ATP9B: variants seen among roughly 807,000 people sequenced by gnomAD.
ATP9B encodes the protein probable phospholipid-transporting ATPase IIB.
In ATP9B, 110 loss-of-function variants were observed where a neutral mutation model predicts 146.1. That is an observed-to-expected ratio of 0.75 (90% CI 0.65 to 0.88). The LOEUF (loss-of-function observed/expected upper bound fraction) is 0.88, where lower values mean the gene tolerates loss of function less well. Ranked by LOEUF, ATP9B falls within the 40% of genes least tolerant of loss-of-function variation. ATP9B has a pLI of 0.00. For synonymous variants in ATP9B, 604 were observed against 569.7 expected (o/e 1.06, Z -0.86); for missense variants, 1,499 against 1,496.4 (o/e 1.00, Z -0.03).
chr18:79,302,485 C>T (rs1004535423), intron 13 of ATP9B, among the ~76,000 whole-genome samples: 1 of 152,240 alleles, frequency 6.6e-6, no homozygotes, highest in African/African-American at 2.4e-5. Flanking sequence ...AAGCACCACA[C>T]ATCGCAGCAC....
At chr18:79,194,859 C>T (rs1426875598) in intron 9 of ATP9B, among the ~76,000 whole-genome samples, 1 of 152,136 alleles carries the variant, frequency 6.6e-6, no homozygotes, top group African/African-American at 2.4e-5. Context: ...TCTTGGGATG[C>T]TGATATCATC....
rs557151901 is a variant in ATP9B at position 79,356,194 on chromosome 18, C to T, written c.2904-3160C>T. Among the ~76,000 whole-genome samples, 377 of 152,248 alleles carry T rather than the reference C, an allele frequency of 2.5e-3. 6 individuals are homozygous for T. Among genetic ancestry groups the T allele is most frequent in the Middle Eastern group, 6.8e-3 (2 of 294 alleles). The stretch of plus-strand genomic sequence containing the variant: ...GACCAGGTTAGACCACAGGATGCTC[C>T]GCCTCACGCCTGCCAGAATTGTGAG... On this transcript the variant is annotated intron_variant, in intron 25 of 29. Transcript: ENST00000426216.
chr18:79,116,804 G>A (rs1212942417), intron 4 of ATP9B, among the ~76,000 whole-genome samples: 2 of 97,558 alleles, frequency 2.1e-5, no homozygotes, highest in Admixed American at 1.1e-4. Flanking sequence ...GATAGCATTG[G>A]GAGATATACC....
At position 79,232,208 on chromosome 18, in the gene ATP9B, G is replaced by C. The variant is rs552504987; in HGVS notation, c.1107+18170G>C. Among the ~76,000 whole-genome samples the C allele has an allele frequency of 3.3e-5, 5 of 152,248 alleles. No individual in the cohort carries two copies. In the South Asian group the frequency reaches 6.2e-4, roughly 19 times the overall value. ...CTCACTAATGGCATGGGATATCATG[G>C]GGGGAGCTGAGAAACACTTGTGAAG... On this transcript the variant is annotated intron_variant, in intron 11 of 29. Transcript: ENST00000426216.
At chr18:79,258,427 C>CT (rs2096106165) in intron 12 of ATP9B, among the ~76,000 whole-genome samples, 1 of 152,156 alleles carries the variant, frequency 6.6e-6, no homozygotes, top group Admixed American at 6.5e-5. Flanking sequence ...AAGAGCCTCT[C>CT]TCGAAAGAAA....
intron 6 of ATP9B, among the ~76,000 whole-genome samples, chr18:79,149,726 T>A (rs1234854082): frequency 1.8e-5 from 2 of 112,372 alleles, no homozygotes; most frequent in African/African-American, 4.8e-5. Flanking sequence ...AAAAAAAAAA[T>A]TTGAAATTAG....
chr18:79,138,896 C>G (rs889737249), intron 5 of ATP9B, among the ~76,000 whole-genome samples: 1 of 151,762 alleles, frequency 6.6e-6, no homozygotes, highest in African/African-American at 2.4e-5. Flanking sequence ...GGTGAAATCT[C>G]ATCTCTACAA....
intron 9 of ATP9B, among the ~76,000 whole-genome samples, chr18:79,193,542 A>G (rs1038882119): frequency 1.3e-5 from 2 of 152,220 alleles, no homozygotes; most frequent in African/African-American, 4.8e-5. Context: ...ATTTATTTTC[A>G]TTCTGACTGA....
At chr18:79,112,950 T>G (rs1390463137) in intron 3 of ATP9B, among the ~76,000 whole-genome samples, 3 of 152,158 alleles carry the variant, frequency 2.0e-5, no homozygotes, top group African/African-American at 7.2e-5. Flanking sequence ...ACTGGAAAAT[T>G]TCATATAAGA....
intron 5 of ATP9B, among the ~76,000 whole-genome samples, chr18:79,126,930 T>A (rs188315120): frequency 3.2e-4 from 49 of 152,224 alleles, no homozygotes; most frequent in African/African-American, 1.1e-3. Flanking sequence ...CAGTCCATAG[T>A]ACAAAAGGAA....
chr18:79,345,975 A>C (rs2096883980), intron 23 of ATP9B, 136 bp downstream of exon 23: 1 of 946,448 alleles, frequency 1.1e-6, no homozygotes, highest in Non-Finnish European at 1.7e-6. Context: ...ACGCTCGGTC[A>C]GCAAACACTC....
intron 10 of ATP9B, 123 bp from the exon 11 acceptor site, chr18:79,213,839 G>T: frequency 1.4e-6 from 1 of 729,840 alleles, no homozygotes; most frequent in Non-Finnish European, 2.1e-6. Flanking sequence ...ATACACTGTT[G>T]GATAAATTTA....
chr18:79,073,978 G>T (rs1034429609), intron 1 of ATP9B, among the ~76,000 whole-genome samples: 5 of 151,884 alleles, frequency 3.3e-5, no homozygotes, highest in Admixed American at 3.3e-4. Context: ...TTGTCTCTTG[G>T]GTATTTTGTA....
At chr18:79,345,897 C>G (rs2096883536) in intron 23 of ATP9B, 58 bp downstream of exon 23, 1 of 1,584,600 alleles carries the variant, frequency 6.3e-7, no homozygotes, top group Non-Finnish European at 8.7e-7. Context: ...CAACACGACT[C>G]AGCACATGCT....
chr18:79,148,271 T>C (rs2094624207), intron 6 of ATP9B, among the ~76,000 whole-genome samples: 1 of 152,188 alleles, frequency 6.6e-6, no homozygotes, highest in South Asian at 2.1e-4. Flanking sequence ...AGAAAATAAT[T>C]GAGAATGGTA....
intron 23 of ATP9B, among the ~76,000 whole-genome samples, chr18:79,347,376 C>G (rs142468379): frequency 6.6e-6 from 1 of 152,160 alleles, no homozygotes; most frequent in African/African-American, 2.4e-5. Flanking sequence ...TTGAAGCAGC[C>G]CAAGATTATA....
At chr18:79,310,646 A>G (rs183560704) in intron 15 of ATP9B, among the ~76,000 whole-genome samples, 11 of 152,244 alleles carry the variant, frequency 7.2e-5, no homozygotes, top group Admixed American at 7.2e-4. Context: ...AACTTCCAGG[A>G]TCATGGGACT....
chr18:79,139,146 T>C (rs1228329505), intron 5 of ATP9B, among the ~76,000 whole-genome samples: 1 of 152,232 alleles, frequency 6.6e-6, no homozygotes, highest in Admixed American at 6.5e-5. Context: ...TTGCTAGTAT[T>C]TGTGTTTAGT....
chr18:79,088,824 T>C (rs952830264), intron 1 of ATP9B, among the ~76,000 whole-genome samples: 2 of 152,232 alleles, frequency 1.3e-5, no homozygotes, highest in African/African-American at 4.8e-5. Context: ...TGTAGAGAAA[T>C]CTTGAACACA....
Sources: gnomAD v4.1 joint callset for allele counts (sites outside exome capture counted in the v4.1 genomes callset) on GRCh38, gnomAD v4.1.1 for gene constraint, MANE v1.5 for transcripts, NCBI Gene and HGNC (gene_info 2026-07-23, HGNC 2026-07-21) for gene names.